GRAMD2B: variants seen among roughly 807,000 people sequenced by gnomAD.
GRAMD2B encodes GRAM domain-containing protein 2B.
A neutral mutation model predicts 59.2 loss-of-function variants in GRAMD2B; 41 were observed. The observed-to-expected ratio is 0.69, with a 90% confidence interval of 0.54 to 0.90. GRAMD2B has a LOEUF of 0.90. Ranked by LOEUF, GRAMD2B falls within the 40% of genes least tolerant of loss-of-function variation. The probability of loss-of-function intolerance (pLI) is 0.00; values close to 1 mark genes in which losing one functional copy is unlikely to be tolerated. For synonymous variants in GRAMD2B, 161 were observed against 182.7 expected, an observed-to-expected ratio of 0.88 and a Z score of 0.96; for missense variants, 424 against 500.5, an observed-to-expected ratio of 0.85 and a Z score of 1.46.
chr5:126,415,182 T>C lies in GRAMD2B; in HGVS notation c.125+43615T>C, dbSNP rs937729260. Reference sequence around the variant, plus strand: ...CATGGGGGATGCAGGGGGTGGACAATTGGGAATGAGTGGTTTGTGTGTGAC... The same window carrying C: ...CATGGGGGATGCAGGGGGTGGACAACTGGGAATGAGTGGTTTGTGTGTGAC... On this transcript the variant is annotated intron_variant, in intron 1 of 8. Coordinates refer to the GRAMD2B transcript ENST00000506445. Among the ~76,000 whole-genome samples the C allele has an allele frequency of 4.6e-5, 7 of 152,158 alleles. No individual in the cohort carries two copies. In the South Asian group the frequency reaches 6.2e-4, roughly 14 times the overall value.
At chr5:126,367,998 G>C (rs1056766067), upstream of GRAMD2B, among the ~76,000 whole-genome samples, 3 of 152,080 alleles carry the variant, frequency 2.0e-5, no homozygotes, top group East Asian at 1.9e-4. Flanking sequence ...TGATCTGCCC[G>C]CGTCGGCCTC....
At position 126,469,734 on chromosome 5, in the gene GRAMD2B, A is replaced by G. The variant is rs1769189251; in HGVS notation, c.261A>G (p.Thr87=). The change falls in exon 3 of 14, where the codon ACA becomes ACG. Residue 87 remains threonine (T), a synonymous_variant. Transcript: ENST00000285689. ...CAAGTGATAAGAACGACTGTAAAAC[A>G]GAAAGCAAAAATGACCCTAAGACTG... ...SLASDKNDCK[T]ESKNDPKTER... is the part of the protein sequence containing the mutation. The G allele has an allele frequency of 1.2e-6, 2 of 1,614,090 alleles. No homozygotes were observed. The highest frequency in any genetic ancestry group is 1.7e-5 in the Admixed American group (1 of 60,006).
chr5:126,421,817 A>G (rs1211616482), upstream of GRAMD2B, among the ~76,000 whole-genome samples: 2 of 152,218 alleles, frequency 1.3e-5, no homozygotes, highest in African/African-American at 4.8e-5. Flanking sequence ...CATACACCCT[A>G]CAAACTACAT....
At chr5:126,466,430 CT>C (rs111776730) in intron 2 of GRAMD2B, 81,489 of 508,212 alleles carry the variant, frequency 0.16, 732 homozygotes, top group African/African-American at 0.21. Context: ...GGCATCTCAC[CT>C]TTTTTTTTTT....
intron 5 of GRAMD2B, among the ~76,000 whole-genome samples, chr5:126,475,883 C>T (rs997168906): frequency 2.6e-5 from 4 of 152,074 alleles, no homozygotes; most frequent in African/African-American, 9.7e-5. Flanking sequence ...CCGAGGCAGG[C>T]GGATTACCTG....
intron 13 of GRAMD2B, among the ~76,000 whole-genome samples, chr5:126,492,491 C>G (rs1044981710): frequency 6.6e-6 from 1 of 151,618 alleles, no homozygotes; most frequent in African/African-American, 2.4e-5. Context: ...GAGGCTGAGA[C>G]AGGAGGATCA....
rs577858807 is a variant in GRAMD2B, at chr5:126,382,701, A to T, written c.125+11134A>T. Reference sequence around the variant, plus strand: ...GAATTATTTTTCTGGCAATTCAGAGATTTCTTCCTGGTTTGGATCCATTGC... The same window carrying T: ...GAATTATTTTTCTGGCAATTCAGAGTTTTCTTCCTGGTTTGGATCCATTGC... On this transcript the variant is annotated intron_variant, in intron 1 of 8. Transcript: ENST00000506445. Among the ~76,000 whole-genome samples, 3 of 152,172 alleles carry T rather than the reference A, an allele frequency of 2.0e-5. No homozygotes were observed. In the South Asian group the frequency reaches 6.2e-4, roughly 32 times the overall value.
At chr5:126,460,377 A>G (rs1767118102) in intron 1 of GRAMD2B, among the ~76,000 whole-genome samples, 1 of 152,220 alleles carries the variant, frequency 6.6e-6, no homozygotes, top group African/African-American at 2.4e-5. Flanking sequence ...AAATATGTAG[A>G]CAGATAAATG....
intron 1 of GRAMD2B, 137 bp from the exon 2 acceptor site, chr5:126,465,289 C>A: frequency 6.6e-7 from 1 of 1,508,600 alleles, no homozygotes; most frequent in African/African-American, 1.4e-5. Flanking sequence ...GAAAGGGCCT[C>A]GCTGTCAAAG....
chr5:126,386,567 C>G (rs573469553), intron 1 of GRAMD2B, among the ~76,000 whole-genome samples: 135 of 152,286 alleles, frequency 8.9e-4, no homozygotes, highest in Admixed American at 2.7e-3. Context: ...GAAGGGTGAT[C>G]ACTGGGGACC....
At chr5:126,464,203 A>T (rs572829682) in intron 1 of GRAMD2B, among the ~76,000 whole-genome samples, 1 of 152,340 alleles carries the variant, frequency 6.6e-6, no homozygotes, top group African/African-American at 2.4e-5. Flanking sequence ...ATCCAGTGGC[A>T]TTTCCTGCCT....
At chr5:126,467,287 TTAA>T (rs1407863883) in intron 2 of GRAMD2B, among the ~76,000 whole-genome samples, 1 of 151,956 alleles carries the variant, frequency 6.6e-6, no homozygotes, top group African/African-American at 2.4e-5. Flanking sequence ...AAATTATTAA[TTAA>T]TAATTTTTAC....
In GRAMD2B at chr5:126,483,494, G is replaced by C. The variant is rs769779777; in HGVS notation, c.767G>C (p.Gly256Ala). 1.2e-6 allele frequency: 2 copies of C among 1,611,894 alleles called. No homozygotes were observed. The highest frequency in any genetic ancestry group is 2.2e-5 in the South Asian group (2 of 91,022). ...DFNDEFSDLD[G>A]VVQQRRQDME... ...AATGATGAATTCTCAGATCTGGATG[G>C]AGTGGTTCAACAAAGAAGGCAAGAC... is the stretch of plus-strand genomic sequence containing the variant. The change falls in exon 9 of 14, where the codon GGA (glycine) becomes GCA (alanine). Residue 256 changes from glycine to alanine, a missense_variant. Physicochemically the swap from Gly to Ala is moderately conservative, Grantham distance 60. Transcript: ENST00000285689.
At chr5:126,433,134 G>C (rs1020462465) in intron 1 of GRAMD2B, among the ~76,000 whole-genome samples, 1 of 152,164 alleles carries the variant, frequency 6.6e-6, no homozygotes, top group Non-Finnish European at 1.5e-5. Context: ...AAACTAAGTA[G>C]CTCCAGAAAA....
chr5:126,398,309 T>A (rs745486359), intron 1 of GRAMD2B, among the ~76,000 whole-genome samples: 5 of 152,118 alleles, frequency 3.3e-5, no homozygotes, highest in Admixed American at 6.5e-5. Flanking sequence ...AATCTCCTTA[T>A]TTGCTAGTGG....
chr5:126,443,887 T>TA (rs1488981886), intron 1 of GRAMD2B, among the ~76,000 whole-genome samples: 2 of 151,850 alleles, frequency 1.3e-5, no homozygotes, highest in East Asian at 1.9e-4. Context: ...CTGTCTCTAC[T>TA]AAAAAATACC....
chr5:126,391,802 A>G lies in GRAMD2B; in HGVS notation c.125+20235A>G, dbSNP rs377613697. Among the ~76,000 whole-genome samples the G allele has an allele frequency of 4.6e-4, 70 of 152,314 alleles. 1 individual carries two copies. In the South Asian group the frequency reaches 0.014, roughly 30 times the overall value. On this transcript the variant is annotated intron_variant, in intron 1 of 8. Coordinates refer to the GRAMD2B transcript ENST00000506445. ...GGTACAGGGTTTTTTGGGGAGGGTG[A>G]TGAAAATGTTCTAGAATTGGTGGGG...
At chr5:126,457,191 C>CAAAAAAAAAAAAAAA (rs559904336) in intron 1 of GRAMD2B, among the ~76,000 whole-genome samples, 1 of 63,982 alleles carries the variant, frequency 1.6e-5, no homozygotes, top group African/African-American at 5.5e-5. Context: ...GACTCCGTCT[C>CAAAAAAAAAAAAAAA]AAAAAAAAAA....
rs759106103 is a variant in GRAMD2B at position 126,492,955 on chromosome 5, G to C, written c.1298G>C (p.Ter433SerextTer21). ...CAGAAGTTGCTTGAGAATGGTGACT[G>C]ATCGACCAGATTGCTTGGGCCATCG... ...NLQKLLENGD[*>S] is the part of the protein sequence containing the mutation. Residue 433 changes from the stop codon to serine (S), a stop_lost, in exon 14 of 14, where the codon TGA becomes TCA. Transcript: ENST00000285689. The C allele has an allele frequency of 1.2e-5, 20 of 1,611,600 alleles. No homozygotes were observed. The Admixed American group carries it at 1.8e-4, about 15-fold the overall frequency.
Sources: allele counts gnomAD v4.1 joint callset (sites outside exome capture counted in the v4.1 genomes callset), GRCh38; gene constraint gnomAD v4.1.1; transcripts MANE v1.5; gene names NCBI Gene and HGNC (gene_info 2026-07-23, HGNC 2026-07-21).